Variants in GPR137C observed in about 807,000 individuals in gnomAD.
GPR137C encodes the protein G protein-coupled receptor 137C.
In GPR137C, 27 loss-of-function variants were observed where a neutral mutation model predicts 43.4. The ratio of observed to expected loss-of-function variants is 0.62; its 90% CI spans 0.46 to 0.86. GPR137C has a LOEUF of 0.86. Among genes scored for constraint, GPR137C ranks in the 40% least tolerant of loss-of-function variants. The pLI, the probability that GPR137C is intolerant of heterozygous loss-of-function variation, is 0.00. For missense variants in GPR137C, 522 were observed against 534.6 expected (o/e 0.98, Z 0.23); for synonymous variants, 285 against 226.9 (o/e 1.26, Z -2.30).
intron 2 of GPR137C, among the ~76,000 whole-genome samples, chr14:52,599,621 A>T (rs1474197703): frequency 6.6e-6 from 1 of 151,978 alleles, no homozygotes; most frequent in Non-Finnish European, 1.5e-5. Flanking sequence ...TTTAGTAGAG[A>T]TGAGGTTTCT....
chr14:52,623,817 A>G (rs2039189024), intron 3 of GPR137C, among the ~76,000 whole-genome samples: 1 of 152,148 alleles, frequency 6.6e-6, no homozygotes, highest in South Asian at 2.1e-4. Flanking sequence ...GGATGTTGGG[A>G]AAATTATAGT....
intron 1 of GPR137C, among the ~76,000 whole-genome samples, chr14:52,560,973 T>C (rs1256528037): frequency 6.6e-6 from 1 of 152,132 alleles, no homozygotes; most frequent in Non-Finnish European, 1.5e-5. Context: ...GCAAAGTACG[T>C]TTATCCAAAA....
intron 3 of GPR137C, chr14:52,613,634 A>T (rs557778076): frequency 4.6e-6 from 1 of 215,970 alleles, no homozygotes; most frequent in African/African-American, 2.3e-5. Context: ...GGCATATTTT[A>T]TTTAACATGA....
intron 3 of GPR137C, among the ~76,000 whole-genome samples, chr14:52,604,373 C>A (rs1274512320): frequency 1.3e-5 from 2 of 151,880 alleles, no homozygotes; most frequent in African/African-American, 4.8e-5. Flanking sequence ...GTGTTTTCTT[C>A]TAGTACTTTC....
intron 3 of GPR137C, among the ~76,000 whole-genome samples, chr14:52,609,112 T>C (rs1026402034): frequency 1.3e-5 from 2 of 152,026 alleles, no homozygotes; most frequent in African/African-American, 4.8e-5. Context: ...TCTTCATTTC[T>C]TTTTTTTCTT....
intron 1 of GPR137C, among the ~76,000 whole-genome samples, chr14:52,577,799 C>CAAA (rs564080315): frequency 6.6e-4 from 69 of 104,226 alleles, no homozygotes; most frequent in Middle Eastern, 5.5e-3. Context: ...ACCATCTCTA[C>CAAA]AAAAAAAAAA....
chr14:52,617,313 A>T (rs1594804698), intron 3 of GPR137C, among the ~76,000 whole-genome samples: 1 of 152,116 alleles, frequency 6.6e-6, no homozygotes, highest in African/African-American at 2.4e-5. Flanking sequence ...TATACTTTAT[A>T]TTTCTTTTGT....
chr14:52,557,106 T>A (rs1407433406), intron 1 of GPR137C, among the ~76,000 whole-genome samples: 2 of 152,194 alleles, frequency 1.3e-5, no homozygotes, highest in African/African-American at 4.8e-5. Context: ...GTTCTTTGAT[T>A]TCCCACAAAA....
intron 1 of GPR137C, among the ~76,000 whole-genome samples, chr14:52,567,609 G>A (rs142409419): frequency 1.3e-5 from 2 of 151,040 alleles, no homozygotes; most frequent in Admixed American, 6.6e-5. Flanking sequence ...GCAGTTGTAA[G>A]CTATTGTCAG....
Position 52,573,274 on chromosome 14 carries a change from A to G in GPR137C, c.444+19683A>G, listed in dbSNP as rs754470258. ...GAGCCCATATAGCCAAGACAATCCT[A>G]AGCAAAAAGAACACAGCTGGAGGCA... On this transcript the variant is annotated intron_variant, in intron 1 of 6. Coordinates refer to ENST00000321662, the MANE Select transcript of GPR137C (RefSeq NM_001099652.2). Among the ~76,000 whole-genome samples, 114 of 151,570 alleles carry G rather than the reference A, an allele frequency of 7.5e-4. 2 individuals carry two copies. The highest frequency in any genetic ancestry group is 1.4e-3 in the Non-Finnish European group (92 of 67,514).
At chr14:52,558,828 G>C (rs2038234892) in intron 1 of GPR137C, among the ~76,000 whole-genome samples, 1 of 152,014 alleles carries the variant, frequency 6.6e-6, no homozygotes, top group Admixed American at 6.6e-5. Context: ...AAAGAAATAA[G>C]TGAACTAGAA....
At chr14:52,561,493 G>A (rs557205252) in intron 1 of GPR137C, among the ~76,000 whole-genome samples, 4 of 152,284 alleles carry the variant, frequency 2.6e-5, no homozygotes, top group East Asian at 3.9e-4. Context: ...TTACCCAAGA[G>A]AAATGAAAGC....
chr14:52,600,477 A>G (rs1206917650), intron 3 of GPR137C, 136 bp downstream of exon 3: 18 of 600,478 alleles, frequency 3.0e-5, no homozygotes, highest in Non-Finnish European at 4.6e-5. Flanking sequence ...GTCTCGCCAT[A>G]TTAGTCAGGC....
intron 3 of GPR137C, among the ~76,000 whole-genome samples, chr14:52,601,734 T>G (rs1429186014): frequency 6.6e-6 from 1 of 152,072 alleles, no homozygotes; most frequent in Admixed American, 6.6e-5. Context: ...TATAATAACA[T>G]CACTATAGAA....
intron 1 of GPR137C, among the ~76,000 whole-genome samples, chr14:52,588,655 G>A (rs546689297): frequency 1.3e-5 from 2 of 152,214 alleles, no homozygotes; most frequent in South Asian, 4.1e-4. Flanking sequence ...GGAAAGAAGT[G>A]AAGATTAAAA....
At chr14:52,559,858 T>C (rs901583057) in intron 1 of GPR137C, among the ~76,000 whole-genome samples, 3 of 152,024 alleles carry the variant, frequency 2.0e-5, no homozygotes, top group African/African-American at 4.8e-5. Context: ...ATTAGAAAAA[T>C]GAAATATAAA....
At chr14:52,581,429 A>G (rs1244265019) in intron 1 of GPR137C, among the ~76,000 whole-genome samples, 1 of 151,202 alleles carries the variant, frequency 6.6e-6, no homozygotes, top group East Asian at 1.9e-4. Context: ...CTAGCTACTC[A>G]GGAGGCTGAG....
chr14:52,553,840 A>G (rs1318524215), intron 1 of GPR137C, among the ~76,000 whole-genome samples: 2 of 151,764 alleles, frequency 1.3e-5, no homozygotes, highest in African/African-American at 4.9e-5. Flanking sequence ...CTGACAACTT[A>G]AAACAGCAAC....
chr14:52,553,627 G>C (rs1274291232), intron 1 of GPR137C, 36 bp downstream of exon 1: 2 of 1,488,718 alleles, frequency 1.3e-6, no homozygotes, highest in African/African-American at 1.4e-5. Context: ...GGCCCGGGCG[G>C]GTGCGCGGGG....
Sources: allele counts gnomAD v4.1 joint callset (sites outside exome capture counted in the v4.1 genomes callset), GRCh38; gene constraint gnomAD v4.1.1; transcripts MANE v1.5; gene names NCBI Gene and HGNC (gene_info 2026-07-23, HGNC 2026-07-21).